STIM1: variants seen among roughly 807,000 people sequenced by gnomAD.
The protein encoded by STIM1 is stromal interaction molecule 1.
Under a neutral mutation model 74.7 loss-of-function variants are expected in STIM1, and 25 were observed. That is an observed-to-expected ratio of 0.33 (90% CI 0.24 to 0.47). The LOEUF (loss-of-function observed/expected upper bound fraction) is 0.47. STIM1 is among the 20% of genes least tolerant of loss of function. The pLI is 1.00. For missense variants in STIM1, 728 were observed against 920.8 expected (o/e 0.79, Z 2.71); for synonymous variants, 328 against 348.8 (o/e 0.94, Z 0.66).
At position 3,899,355 on chromosome 11, in the gene STIM1, T is replaced by C. The variant is rs77907989; in HGVS notation, c.139+42946T>C. On this transcript the variant is annotated intron_variant, in intron 1 of 12. Coordinates refer to ENST00000526596, the MANE Select transcript of STIM1 (RefSeq NM_001382567.1). Reference sequence around the variant, plus strand: ...TGTATAAGAATGCTTGTGATTTTTGTACATTGATTTTGTATCCTGAGAGTT... The same window carrying C: ...TGTATAAGAATGCTTGTGATTTTTGCACATTGATTTTGTATCCTGAGAGTT... 1.6e-4 allele frequency among the ~76,000 whole-genome samples: 24 copies of C among 152,288 alleles called. No individual in the cohort carries two copies. The South Asian group carries it at 4.8e-3, about 30-fold the overall frequency.
chr11:3,941,667 TATATATAG>T (rs767341827), intron 1 of STIM1, among the ~76,000 whole-genome samples: 941 of 56,062 alleles, frequency 0.017, 9 homozygotes, highest in African/African-American at 0.045. Flanking sequence ...TATATATATA[TATATATAG>T]AGAGAGAGAG....
At chr11:3,927,399 A>G (rs2092802287) in intron 1 of STIM1, among the ~76,000 whole-genome samples, 1 of 152,232 alleles carries the variant, frequency 6.6e-6, no homozygotes. Flanking sequence ...GGTCTGAATT[A>G]GGGACATTCA....
At chr11:3,962,444 A>AT (rs1275904825) in intron 1 of STIM1, among the ~76,000 whole-genome samples, 1 of 125,276 alleles carries the variant, frequency 8.0e-6, no homozygotes, top group Admixed American at 8.1e-5. Flanking sequence ...GCTGAGTAGT[A>AT]TTGTGTGTGT....
intron 1 of STIM1, among the ~76,000 whole-genome samples, chr11:3,889,911 C>T (rs1590531196): frequency 1.3e-5 from 2 of 152,082 alleles, no homozygotes; most frequent in East Asian, 3.9e-4. Context: ...ATAGGCATTA[C>T]AGGGTAGTAA....
chr11:4,014,683 C>CT, intron 2 of STIM1, among the ~76,000 whole-genome samples: 1 of 152,170 alleles, frequency 6.6e-6, no homozygotes. Context: ...GTGTGGGAGT[C>CT]TAAGTCTCTT....
chr11:4,037,927 C>T (rs568759858), intron 3 of STIM1, among the ~76,000 whole-genome samples: 2 of 151,716 alleles, frequency 1.3e-5, no homozygotes, highest in Non-Finnish European at 2.9e-5. Flanking sequence ...TGGGTTAATT[C>T]AGTATTTTTT....
intron 1 of STIM1, among the ~76,000 whole-genome samples, chr11:3,938,352 T>G (rs2092961727): frequency 7.2e-6 from 1 of 139,778 alleles, no homozygotes; most frequent in Non-Finnish European, 1.5e-5. Flanking sequence ...TCTTCAGCTT[T>G]GCATACCAAG....
At chr11:4,065,333 G>A (rs868030598) in intron 5 of STIM1, among the ~76,000 whole-genome samples, 1 of 152,144 alleles carries the variant, frequency 6.6e-6, no homozygotes, top group Non-Finnish European at 1.5e-5. Context: ...CTCTGTACCT[G>A]CATCCTTACC....
chr11:4,051,500 G>A (rs570522605), intron 3 of STIM1, among the ~76,000 whole-genome samples: 3 of 150,828 alleles, frequency 2.0e-5, no homozygotes, highest in East Asian at 2.0e-4. Context: ...GCACCACCAC[G>A]CCTGGCTAAT....
intron 1 of STIM1, among the ~76,000 whole-genome samples, chr11:3,872,524 T>TG (rs925447782): frequency 8.1e-5 from 4 of 49,202 alleles, no homozygotes; most frequent in Admixed American, 1.9e-4. Flanking sequence ...TCTTTTTTTC[T>TG]TTTTTTTTTT....
At chr11:3,859,195 A>C (rs566984106) in intron 1 of STIM1, among the ~76,000 whole-genome samples, 1 of 152,118 alleles carries the variant, frequency 6.6e-6, no homozygotes, top group Non-Finnish European at 1.5e-5. Context: ...ATTTAGTTAA[A>C]ATGCTTATGG....
At chr11:4,087,917 G>A (rs1358147621) in intron 12 of STIM1, among the ~76,000 whole-genome samples, 2 of 151,458 alleles carry the variant, frequency 1.3e-5, no homozygotes, top group Non-Finnish European at 2.9e-5. Context: ...GACAAGAAGA[G>A]TTTATAGGTG....
intron 1 of STIM1, among the ~76,000 whole-genome samples, chr11:3,880,954 C>G (rs1590520916): frequency 1.3e-5 from 2 of 152,178 alleles, no homozygotes; most frequent in East Asian, 3.9e-4. Context: ...GAGCATAACT[C>G]ATTGCTAAAA....
In STIM1 at chr11:4,082,235, T is replaced by C. The variant is rs775189639; in HGVS notation, c.1021T>C (p.Trp341Arg). The C allele has an allele frequency of 6.2e-6, 10 of 1,614,048 alleles. No homozygotes were observed. The change falls in exon 8 of 13, where the codon TGG becomes CGG. Residue 341 changes from tryptophan (W) to arginine (R), a missense_variant. This residue lies in a region of STIM1 where 131 missense variants were observed against 235.9 expected (regional missense o/e 0.56). Coordinates refer to ENST00000526596, the MANE Select transcript of STIM1 (RefSeq NM_001382567.1). ...AEKELESHSS[W>R]YAPEALQKWL... ...GAAGGAGCTAGAATCTCACAGCTCATGGTATGCTCCAGAGGCCCTTCAGAA... is the reference window on the plus strand; with the variant it reads ...GAAGGAGCTAGAATCTCACAGCTCACGGTATGCTCCAGAGGCCCTTCAGAA...
At chr11:3,943,405 T>C (rs1590588558) in intron 1 of STIM1, among the ~76,000 whole-genome samples, 2 of 152,228 alleles carry the variant, frequency 1.3e-5, no homozygotes, top group South Asian at 4.1e-4. Flanking sequence ...GTTTGGCTGG[T>C]AACTTGATGA....
At chr11:3,888,141 T>C (rs2091785014) in intron 1 of STIM1, 1 of 152,286 alleles carries the variant, frequency 6.6e-6, no homozygotes, top group Admixed American at 6.5e-5. Flanking sequence ...CCAGCTGCTA[T>C]GGGGCCAGAA....
At position 3,856,124 on chromosome 11, in the gene STIM1, G is replaced by A. The variant is rs1462841234; in HGVS notation, c.-147G>A. 1 of 1,030,998 alleles carries A rather than the reference G, an allele frequency of 9.7e-7. No homozygotes were observed. The highest frequency in any genetic ancestry group is 1.5e-6 in the Non-Finnish European group (1 of 683,078). 63.9% of individuals were successfully genotyped at this position (1,030,998 alleles called of 1,614,324 possible). Reference sequence around the variant, plus strand: ...GAGCACTTGACCTTTGGCTGTTGGAGGGGGCAGGCTCGCGGGTGGCTGGAC... The same window carrying A: ...GAGCACTTGACCTTTGGCTGTTGGAAGGGGCAGGCTCGCGGGTGGCTGGAC... On this transcript the variant is annotated 5_prime_UTR_variant, in exon 1 of 13. Transcript: ENST00000526596.
At chr11:4,024,059 TAGA>T (rs2093979584) in intron 3 of STIM1, 72 bp downstream of exon 3, 1 of 1,258,478 alleles carries the variant, frequency 7.9e-7, no homozygotes, top group Non-Finnish European at 1.2e-6. Context: ...AACTTGGCCT[TAGA>T]AGAACATGTA....
chr11:3,879,119 C>T (rs1327198296), intron 1 of STIM1, among the ~76,000 whole-genome samples: 1 of 152,126 alleles, frequency 6.6e-6, no homozygotes, highest in African/African-American at 2.4e-5. Context: ...CCACACCCAG[C>T]TAATTTTTGT....
Sources: allele counts gnomAD v4.1 joint callset (sites outside exome capture counted in the v4.1 genomes callset), GRCh38; gene constraint gnomAD v4.1.1; regional missense constraint gnomAD v4.1.1; transcripts MANE v1.5; gene names NCBI Gene and HGNC (gene_info 2026-07-23, HGNC 2026-07-21).